The following CD44 variants were observed in gnomAD, a reference collection of about 807,000 sequenced individuals.
The protein encoded by CD44 is CD44 antigen.
CD44 carries 49 observed loss-of-function variants against 88.8 expected under a neutral mutation model. That is an observed-to-expected ratio of 0.55 (90% confidence interval 0.44 to 0.70). The LOEUF is 0.70. Ranked by LOEUF, CD44 falls within the 30% of genes least tolerant of loss-of-function variation. The pLI is 0.00. For missense variants in CD44, 883 were observed against 913.8 expected (o/e 0.97, Z 0.43); for synonymous variants, 325 against 312.3 (o/e 1.04, Z -0.43).
intron 1 of CD44, among the ~76,000 whole-genome samples, chr11:35,148,822 C>T (rs191230709): frequency 8.5e-5 from 13 of 152,292 alleles, no homozygotes; most frequent in East Asian, 3.9e-4. Context: ...AAGCCATCTC[C>T]GTTACTTATC....
intron 1 of CD44, among the ~76,000 whole-genome samples, chr11:35,175,877 T>TC (rs1393997181): frequency 6.8e-6 from 1 of 148,106 alleles, no homozygotes; most frequent in Non-Finnish European, 1.5e-5. Flanking sequence ...TTTTTTTTTT[T>TC]TTTTTTGAGA....
At position 35,159,386 on chromosome 11, in the gene CD44, C is replaced by G. The variant is rs1250332690; in HGVS notation, c.68-17189C>G. Among the ~76,000 whole-genome samples, 4 of 152,172 alleles carry G rather than the reference C, an allele frequency of 2.6e-5. No homozygotes were observed. The East Asian group carries it at 7.7e-4, about 29-fold the overall frequency. On this transcript the variant is annotated intron_variant, in intron 1 of 17. Transcript: ENST00000428726. ...TACATGTGTGTCGGTTTCTCATCTGCTTTTAATTTCATTAGAGTGTGATTT... is the reference window on the plus strand; with the variant it reads ...TACATGTGTGTCGGTTTCTCATCTGGTTTTAATTTCATTAGAGTGTGATTT...
intron 1 of CD44, among the ~76,000 whole-genome samples, chr11:35,159,102 T>C (rs1438484204): frequency 1.3e-5 from 2 of 152,222 alleles, no homozygotes; most frequent in Non-Finnish European, 2.9e-5. Flanking sequence ...TCCTTTTCAT[T>C]CTGAGAAGTT....
intron 1 of CD44, among the ~76,000 whole-genome samples, chr11:35,157,926 G>A (rs1017823201): frequency 1.3e-5 from 2 of 152,138 alleles, no homozygotes; most frequent in African/African-American, 2.4e-5. Flanking sequence ...CCTCTGGGAC[G>A]TGTTTAGGGC....
chr11:35,197,991 G>A, intron 6 of CD44, 130 bp from the exon 7 acceptor site: 1 of 854,594 alleles, frequency 1.2e-6, no homozygotes, highest in East Asian at 2.7e-5. Flanking sequence ...TTTGGGGTAT[G>A]CAAGTCAACT....
rs140938743 is a variant in CD44 at position 35,139,369 on chromosome 11, C to A, written c.66C>A (p.Ile22=). ...LCLVPLSLAQ[I]DLNITCRFAG... is the part of the protein sequence containing the mutation. ...TCGTGCCGCTGAGCCTGGCGCAGAT[C>A]GGTGAGTGCCCGCCGCAGCCTGGGC... The change falls in exon 1 of 18, where the codon ATC becomes ATA. Residue 22 remains isoleucine, a splice_region_variant and synonymous_variant. Coordinates refer to ENST00000428726, the MANE Select transcript of CD44 (RefSeq NM_000610.4). 4.2e-5 allele frequency: 65 copies of A among 1,557,064 alleles called. 1 individual carries two copies. Among genetic ancestry groups the A allele is most frequent in the Non-Finnish European group, 5.6e-5 (64 of 1,149,944 alleles).
At chr11:35,227,325 A>C (rs1220258272) in intron 17 of CD44, among the ~76,000 whole-genome samples, 2 of 152,202 alleles carry the variant, frequency 1.3e-5, no homozygotes, top group Non-Finnish European at 2.9e-5. Flanking sequence ...AACTAAGACT[A>C]CAGGCACATG....
chr11:35,223,182 A>G (rs940959568), intron 17 of CD44: 61 of 985,164 alleles, frequency 6.2e-5, no homozygotes, highest in Non-Finnish European at 7.1e-5. Flanking sequence ...AAGGCCGCCT[A>G]TGATTGAATG....
At chr11:35,205,966 T>G (rs1314098747) in intron 10 of CD44, 146 bp from the exon 11 acceptor site, 3 of 1,288,726 alleles carry the variant, frequency 2.3e-6, no homozygotes, top group Admixed American at 4.1e-5. Flanking sequence ...CATTCTGCGT[T>G]TATGCAACTT....
At chr11:35,153,048 G>C (rs353619) in intron 1 of CD44, among the ~76,000 whole-genome samples, 1 of 152,002 alleles carries the variant, frequency 6.6e-6, no homozygotes, top group Admixed American at 6.5e-5. Flanking sequence ...AATGGGAAAG[G>C]GTGTTAGGAA....
At chr11:35,218,737 A>T (rs1949045661) in intron 15 of CD44, among the ~76,000 whole-genome samples, 2 of 152,098 alleles carry the variant, frequency 1.3e-5, no homozygotes, top group South Asian at 4.1e-4. Context: ...GAAGATTCTG[A>T]TTTGGTAGCT....
intron 11 of CD44, among the ~76,000 whole-genome samples, chr11:35,207,647 A>G (rs1376984407): frequency 6.6e-6 from 1 of 151,938 alleles, no homozygotes; most frequent in African/African-American, 2.4e-5. Context: ...TTGCATATTC[A>G]CTTTGTGAAG....
Position 35,172,212 on chromosome 11 carries a change from G to A in CD44, c.68-4363G>A, listed in dbSNP as rs372542128. Among the ~76,000 whole-genome samples, 12 of 152,270 alleles carry A rather than the reference G, an allele frequency of 7.9e-5. No homozygotes were observed. The South Asian group carries it at 2.3e-3, about 29-fold the overall frequency. On this transcript the variant is annotated intron_variant, in intron 1 of 17. Transcript: ENST00000428726. ...ACTGGACCACTTCCACCTCTTGGTA[G>A]CTATTCCTTTGATTGTGCTTTGTCT... is the stretch of plus-strand genomic sequence containing the variant.
chr11:35,150,616 A>G (rs1184900356), intron 1 of CD44, among the ~76,000 whole-genome samples: 1 of 152,224 alleles, frequency 6.6e-6, no homozygotes, highest in Non-Finnish European at 1.5e-5. Flanking sequence ...CTTTATACCC[A>G]TCTGGAATCC....
In CD44 at chr11:35,219,331, G is replaced by C; in HGVS notation, c.1889G>C (p.Ser630Thr). 6.2e-7 allele frequency: 1 copy of C among 1,613,788 alleles called. No homozygotes were observed. The highest frequency in any genetic ancestry group is 1.1e-5 in the South Asian group (1 of 91,082). Residue 630 changes from serine to threonine, a missense_variant, in exon 16 of 18, where the codon AGT becomes ACT. Physicochemically the swap from Ser to Thr is moderately conservative, Grantham distance 58. Around this residue, in one of 2 missense-constraint regions of CD44, gnomAD observed 631 missense variants for 590.9 expected, o/e 1.07. Coordinates refer to ENST00000428726, the MANE Select transcript of CD44 (RefSeq NM_000610.4). The stretch of plus-strand genomic sequence containing the variant: ...TTCCCCTTAGGACACTCACATGGGA[G>C]TCAAGAAGGTGGAGCAAACACAACC... Reference protein sequence around the residue: ...GSESDGHSHGSQEGGANTTSG... With the variant: ...GSESDGHSHGTQEGGANTTSG...
chr11:35,214,935 G>C (rs1190026956), intron 15 of CD44, 21 bp downstream of exon 15: 6 of 1,470,306 alleles, frequency 4.1e-6, no homozygotes, highest in Non-Finnish European at 5.5e-6. Flanking sequence ...AACTGCTTTA[G>C]TCATTTACTG....
chr11:35,192,771 G>C (rs1329494248), intron 5 of CD44, among the ~76,000 whole-genome samples: 1 of 148,766 alleles, frequency 6.7e-6, no homozygotes, highest in East Asian at 2.0e-4. Context: ...TTGTCTTCTG[G>C]GTGTCAAAGG....
chr11:35,198,104 G>A lies in CD44; in HGVS notation c.797-17G>A, dbSNP rs954326731. Reference sequence around the variant, plus strand: ...CTTGGCGTCCAGCTCAGCCACTAATGCAAGTCACCACAACAGGTACGTCTT... The same window carrying A: ...CTTGGCGTCCAGCTCAGCCACTAATACAAGTCACCACAACAGGTACGTCTT... On this transcript the variant is annotated splice_polypyrimidine_tract_variant and intron_variant, in intron 6 of 17. Coordinates refer to ENST00000428726, the MANE Select transcript of CD44 (RefSeq NM_000610.4). 3 of 1,610,176 alleles carry A rather than the reference G, an allele frequency of 1.9e-6. No homozygotes were observed. The highest frequency in any genetic ancestry group is 2.7e-5 in the African/African-American group (2 of 74,826).
intron 4 of CD44, among the ~76,000 whole-genome samples, chr11:35,187,353 T>C (rs1199944980): frequency 6.6e-6 from 1 of 152,192 alleles, no homozygotes; most frequent in Non-Finnish European, 1.5e-5. Context: ...TGTCCCTTCC[T>C]TTTTTTCTGC....
Sources: gnomAD v4.1 joint callset for allele counts (sites outside exome capture counted in the v4.1 genomes callset) on GRCh38, gnomAD v4.1.1 for gene constraint, gnomAD v4.1.1 regional missense constraint, MANE v1.5 for transcripts, NCBI Gene and HGNC (gene_info 2026-07-23, HGNC 2026-07-21) for gene names.